Variants in TMEM272 observed in about 807,000 individuals in gnomAD.
The protein encoded by TMEM272 is transmembrane protein 272.
TMEM272 carries 8 observed loss-of-function variants against 3.7 expected under a neutral mutation model. The observed-to-expected ratio is 2.17, with a 90% CI of 1.27 to 3.91. TMEM272 has a LOEUF of 3.91. Among genes scored for constraint, TMEM272 ranks in the 30% most tolerant of loss-of-function variants. The probability of loss-of-function intolerance (pLI) is 0.00; values close to 1 mark genes in which losing one functional copy is unlikely to be tolerated. For synonymous variants in TMEM272, 63 were observed against 39.8 expected (o/e 1.58, Z -2.20); for missense variants, 166 against 91.5 (o/e 1.81, Z -3.32).
At chr13:51,854,625 A>AAG in the TMEM272 span, among the ~76,000 whole-genome samples, 2 of 152,280 alleles carry the variant, frequency 1.3e-5, no homozygotes, top group East Asian at 3.9e-4. Context: ...TCTAGGCTCT[A>AAG]CTTCTGTGTA....
chr13:51,907,542 C>G, the TMEM272 span, among the ~76,000 whole-genome samples: 441 of 152,310 alleles, frequency 2.9e-3, no homozygotes, highest in South Asian at 5.4e-3. Context: ...ATACCCAGAG[C>G]CTGCTGAAAC....
intron 2 of TMEM272, among the ~76,000 whole-genome samples, chr13:51,833,175 G>T (rs1566347494): frequency 6.6e-6 from 1 of 152,144 alleles, no homozygotes; most frequent in Non-Finnish European, 1.5e-5. Flanking sequence ...CACTCAGAGT[G>T]GTTTGGGGGA....
At position 51,816,577 on chromosome 13, in the gene TMEM272, T is replaced by C. The variant is rs1355056210; in HGVS notation, c.*174A>G. The C allele has an allele frequency of 5.3e-6, 3 of 571,012 alleles. No homozygotes were observed. Among genetic ancestry groups the C allele is most frequent in the African/African-American group, 1.9e-5 (1 of 53,570 alleles). The allele number at this position is 571,012 out of a possible 1,614,324, so 35.4% of individuals were successfully genotyped here. Reference sequence around the variant, plus strand: ...AGGCAAGAGTTTCTTTAGTCTGCTATTATATTCAGTGCCTTTGGGTGGCTT... The same window carrying C: ...AGGCAAGAGTTTCTTTAGTCTGCTACTATATTCAGTGCCTTTGGGTGGCTT... On this transcript the variant is annotated 3_prime_UTR_variant, in exon 5 of 5. Transcript: ENST00000629372.
At chr13:51,849,579 C>T (rs187310253), upstream of TMEM272, among the ~76,000 whole-genome samples, 66 of 152,330 alleles carry the variant, frequency 4.3e-4, no homozygotes, top group African/African-American at 1.4e-3. Flanking sequence ...CCTGTGGAAC[C>T]GGGCAGTTGT....
At chr13:51,897,921 C>A in the TMEM272 span, among the ~76,000 whole-genome samples, 1 of 34,024 alleles carries the variant, frequency 2.9e-5, no homozygotes, top group Non-Finnish European at 5.1e-5. Context: ...GGTGAGACTC[C>A]ATCTCAAAAA....
chr13:51,907,439 A>G, the TMEM272 span, among the ~76,000 whole-genome samples: 1 of 152,124 alleles, frequency 6.6e-6, no homozygotes, highest in Admixed American at 6.5e-5. Context: ...TGCCTACTTC[A>G]TCAGCCTTCC....
At chr13:51,889,641 G>A in the TMEM272 span, among the ~76,000 whole-genome samples, 3,092 of 151,870 alleles carry the variant, frequency 0.02, 49 homozygotes, top group Non-Finnish European at 0.035. Context: ...TGTGTGGGGG[G>A]GTTTTGTTTG....
At chr13:51,889,498 G>A in the TMEM272 span, among the ~76,000 whole-genome samples, 16 of 152,202 alleles carry the variant, frequency 1.1e-4, no homozygotes, top group Non-Finnish European at 2.2e-4. Context: ...GTGGCCATCT[G>A]CAAGCCAAGG....
the TMEM272 span, among the ~76,000 whole-genome samples, chr13:51,888,325 C>T: frequency 6.6e-6 from 1 of 152,048 alleles, no homozygotes; most frequent in East Asian, 1.9e-4. Context: ...TGATTACAGG[C>T]GTGAACCACT....
At position 51,821,199 on chromosome 13, in the gene TMEM272, AC is replaced by A. The variant is rs1956075659; in HGVS notation, c.201+855del. On this transcript the variant is annotated intron_variant, in intron 4 of 4. Transcript: ENST00000629372. ...TCTTGACTCAGTTTTCTCTTGTGTT[AC>A]GGCTTTGTTTTTATGAAACCATCTT... is the stretch of plus-strand genomic sequence containing the variant. Among the ~76,000 whole-genome samples the A allele has an allele frequency of 3.3e-5, 5 of 152,308 alleles. No individual in the cohort carries two copies. In the South Asian group the frequency reaches 8.3e-4, roughly 25 times the overall value.
the TMEM272 span, among the ~76,000 whole-genome samples, chr13:51,930,731 ACT>A: frequency 3.3e-5 from 5 of 150,446 alleles, no homozygotes; most frequent in East Asian, 9.7e-4. Context: ...CTACTAAAAC[ACT>A]GTCATAATTT....
chr13:51,851,300 C>T, the TMEM272 span, among the ~76,000 whole-genome samples: 1 of 151,676 alleles, frequency 6.6e-6, no homozygotes, highest in East Asian at 1.9e-4. Flanking sequence ...TGTCACTGCA[C>T]TCCAACCTGA....
At chr13:51,871,095 C>T in the TMEM272 span, among the ~76,000 whole-genome samples, 1 of 152,070 alleles carries the variant, frequency 6.6e-6, no homozygotes, top group Non-Finnish European at 1.5e-5. Flanking sequence ...TAGTGATTCT[C>T]CCCCTCTGGT....
chr13:51,900,955 A>C, the TMEM272 span, among the ~76,000 whole-genome samples: 1 of 152,238 alleles, frequency 6.6e-6, no homozygotes, highest in African/African-American at 2.4e-5. Context: ...GGTTGCCAGG[A>C]AAGAGAAAGG....
intron 1 of TMEM272, among the ~76,000 whole-genome samples, chr13:51,841,043 T>A (rs971619577): frequency 6.6e-6 from 1 of 152,248 alleles, no homozygotes; most frequent in Non-Finnish European, 1.5e-5. Flanking sequence ...CCACACTTCA[T>A]GAGGTTGATT....
chr13:51,827,510 C>T (rs547688798), intron 2 of TMEM272, among the ~76,000 whole-genome samples: 3 of 152,258 alleles, frequency 2.0e-5, no homozygotes, highest in African/African-American at 7.2e-5. Context: ...TTTGCTTGGC[C>T]AGCATTTTTT....
the TMEM272 span, among the ~76,000 whole-genome samples, chr13:51,864,397 C>A: frequency 1.3e-5 from 2 of 152,194 alleles, no homozygotes; most frequent in Non-Finnish European, 2.9e-5. Context: ...TTGGGACTCA[C>A]TTCCTTGCTT....
At chr13:51,882,677 T>G in the TMEM272 span, among the ~76,000 whole-genome samples, 2 of 151,992 alleles carry the variant, frequency 1.3e-5, no homozygotes, top group Admixed American at 1.3e-4. Flanking sequence ...AAGTGATGGT[T>G]CTATCTAGTC....
the TMEM272 span, among the ~76,000 whole-genome samples, chr13:51,903,489 C>T: frequency 6.6e-6 from 1 of 152,172 alleles, no homozygotes; most frequent in African/African-American, 2.4e-5. Flanking sequence ...TCAGTTGTCA[C>T]TTCAGGTTCT....
Sources: allele counts gnomAD v4.1 joint callset (sites outside exome capture counted in the v4.1 genomes callset), GRCh38; gene constraint gnomAD v4.1.1; transcripts MANE v1.5; gene names NCBI Gene and HGNC (gene_info 2026-07-23, HGNC 2026-07-21).